WWOX: variants seen among roughly 807,000 people sequenced by gnomAD.
WWOX encodes the protein WW domain-containing oxidoreductase.
WWOX carries 69 observed loss-of-function variants against 46.2 expected under a neutral mutation model. The observed-to-expected ratio is 1.49, with a 90% confidence interval of 1.23 to 1.82. The LOEUF is 1.82. WWOX is among the 40% of genes most tolerant of loss of function. The pLI, the probability that WWOX is intolerant of heterozygous loss-of-function variation, is 0.00. For synonymous variants in WWOX, 359 were observed against 202.6 expected (o/e 1.77, Z -6.56); for missense variants, 919 against 542.6 (o/e 1.69, Z -6.89).
intron 8 of WWOX, among the ~76,000 whole-genome samples, chr16:78,978,200 C>T (rs1340677485): frequency 6.6e-6 from 1 of 152,194 alleles, no homozygotes; most frequent in African/African-American, 2.4e-5. Context: ...GAATAGTATT[C>T]CACTGTATAT....
At chr16:78,406,585 G>A (rs574466291) in intron 6 of WWOX, among the ~76,000 whole-genome samples, 146 of 149,834 alleles carry the variant, frequency 9.7e-4, no homozygotes, top group Non-Finnish European at 1.7e-3. Flanking sequence ...TCCTGACCTC[G>A]TGATCCGCCT....
chr16:78,403,062 G>C (rs1289797995), intron 6 of WWOX, among the ~76,000 whole-genome samples: 1 of 152,190 alleles, frequency 6.6e-6, no homozygotes, highest in African/African-American at 2.4e-5. Context: ...AGGGGCTTCT[G>C]AACTCTATTA....
At chr16:78,606,155 G>A (rs181852969) in intron 8 of WWOX, among the ~76,000 whole-genome samples, 146 of 152,266 alleles carry the variant, frequency 9.6e-4, no homozygotes, top group African/African-American at 3.4e-3. Context: ...CGTTAACACA[G>A]TCAAAATTTA....
At chr16:78,574,102 C>A (rs757699887) in intron 8 of WWOX, among the ~76,000 whole-genome samples, 21 of 152,170 alleles carry the variant, frequency 1.4e-4, no homozygotes, top group Non-Finnish European at 2.9e-4. Context: ...TGGCTGTTGG[C>A]TGGAGGTACC....
At chr16:78,343,771 C>T (rs2081053790) in intron 5 of WWOX, among the ~76,000 whole-genome samples, 1 of 120,454 alleles carries the variant, frequency 8.3e-6, no homozygotes, top group African/African-American at 2.8e-5. Flanking sequence ...GTGGACATAC[C>T]AAGGACTAAA....
chr16:79,037,855 G>C (rs916104365), intron 8 of WWOX, among the ~76,000 whole-genome samples: 34 of 152,146 alleles, frequency 2.2e-4, no homozygotes, highest in African/African-American at 7.7e-4. Flanking sequence ...GCTCCTGCCT[G>C]CTCTCTGGGT....
chr16:78,518,326 G>T (rs1567618182), intron 8 of WWOX, among the ~76,000 whole-genome samples: 1 of 152,072 alleles, frequency 6.6e-6, no homozygotes, highest in Non-Finnish European at 1.5e-5. Flanking sequence ...CCGCCTCCTG[G>T]GATCAAGTGA....
chr16:79,207,233 T>G (rs1344683436), intron 8 of WWOX, among the ~76,000 whole-genome samples: 1 of 152,234 alleles, frequency 6.6e-6, no homozygotes, highest in Non-Finnish European at 1.5e-5. Context: ...ACAGAGTCAA[T>G]GGATAAGGTG....
chr16:78,411,462 C>T (rs1024438581), intron 6 of WWOX, among the ~76,000 whole-genome samples: 1 of 152,050 alleles, frequency 6.6e-6, no homozygotes. Flanking sequence ...CGAATAAAGA[C>T]CCAGACTTAA....
intron 8 of WWOX, among the ~76,000 whole-genome samples, chr16:78,718,852 G>A (rs553727080): frequency 6.6e-6 from 1 of 152,164 alleles, no homozygotes; most frequent in South Asian, 2.1e-4. Flanking sequence ...TAAAGGCATG[G>A]ATGTGACTGA....
chr16:78,587,182 T>A (rs952239340), intron 8 of WWOX, among the ~76,000 whole-genome samples: 6 of 145,000 alleles, frequency 4.1e-5, no homozygotes, highest in Non-Finnish European at 8.9e-5. Flanking sequence ...GATGCCACCA[T>A]GCCTGGCTAA....
chr16:79,060,322 C>T (rs939712566), intron 8 of WWOX, among the ~76,000 whole-genome samples: 2 of 152,234 alleles, frequency 1.3e-5, no homozygotes, highest in Non-Finnish European at 2.9e-5. Context: ...GACTGTCATG[C>T]ATTTTATAGC....
At chr16:78,966,785 A>T (rs547810274) in intron 8 of WWOX, among the ~76,000 whole-genome samples, 1 of 152,312 alleles carries the variant, frequency 6.6e-6, no homozygotes, top group South Asian at 2.1e-4. Context: ...TTCAAATCAC[A>T]TGTGCCAACT....
intron 8 of WWOX, among the ~76,000 whole-genome samples, chr16:78,740,850 A>G (rs2049204999): frequency 6.6e-6 from 1 of 152,144 alleles, no homozygotes; most frequent in Admixed American, 6.5e-5. Flanking sequence ...AACTCCTATG[A>G]TAAAAAGAGT....
intron 8 of WWOX, among the ~76,000 whole-genome samples, chr16:78,619,799 C>T (rs532900543): frequency 6.6e-6 from 1 of 151,966 alleles, no homozygotes; most frequent in Admixed American, 6.6e-5. Flanking sequence ...GTCCCAGCTA[C>T]TCAGGAGGCT....
chr16:78,432,887 C>T, intron 8 of WWOX, 135 bp downstream of exon 8: 2 of 1,350,954 alleles, frequency 1.5e-6, no homozygotes, highest in South Asian at 1.2e-5. Flanking sequence ...TCATAAAGGG[C>T]TCTTGAACAC....
chr16:78,724,344 T>C (rs964142102), intron 8 of WWOX, among the ~76,000 whole-genome samples: 2 of 152,202 alleles, frequency 1.3e-5, no homozygotes, highest in African/African-American at 4.8e-5. Flanking sequence ...ACAGTTTTCA[T>C]TGATGTGACC....
intron 8 of WWOX, among the ~76,000 whole-genome samples, chr16:78,595,622 C>T (rs2045470978): frequency 6.6e-6 from 1 of 152,212 alleles, no homozygotes; most frequent in Non-Finnish European, 1.5e-5. Context: ...ACCTGCCCCC[C>T]AGCTGACCAG....
At position 78,406,315 on chromosome 16, in the gene WWOX, T is replaced by C. The variant is rs867519225; in HGVS notation, c.606-18555T>C. 9.0e-4 allele frequency among the ~76,000 whole-genome samples: 54 copies of C among 60,320 alleles called. 1 individual carries two copies. The East Asian group carries it at 0.017, about 19-fold the overall frequency. The allele number at this position is 60,320 out of a possible 152,430, so 39.6% of individuals were successfully genotyped here. A position where few individuals can be genotyped will look rare whatever the true frequency, so the allele number is the denominator to read the frequency against. ...GCATATAAATATAAATATATATATA[T>C]ATATATATATATATATATATATATA... On this transcript the variant is annotated intron_variant, in intron 6 of 8. Transcript: ENST00000566780.
Sources: allele counts gnomAD v4.1 joint callset (sites outside exome capture counted in the v4.1 genomes callset), GRCh38; gene constraint gnomAD v4.1.1; transcripts MANE v1.5; gene names NCBI Gene and HGNC (gene_info 2026-07-23, HGNC 2026-07-21).